GREB1: variants seen among roughly 807,000 people sequenced by gnomAD.
GREB1 encodes protein GREB1.
In GREB1, 106 loss-of-function variants were observed where a neutral mutation model predicts 200.7. The ratio of observed to expected loss-of-function variants is 0.53; its 90% CI spans 0.45 to 0.62. GREB1 has a LOEUF of 0.62. GREB1 is among the 20% of genes least tolerant of loss of function. The pLI, the probability that GREB1 is intolerant of heterozygous loss-of-function variation, is 0.00. For missense variants in GREB1, 2,243 were observed against 2,556.8 expected, an observed-to-expected ratio of 0.88 and a Z score of 2.65; for synonymous variants, 1,132 against 1,092.4, an observed-to-expected ratio of 1.04 and a Z score of -0.72.
At chr2:11,532,951 A>G (rs940739325), upstream of GREB1, among the ~76,000 whole-genome samples, 2 of 152,168 alleles carry the variant, frequency 1.3e-5, no homozygotes, top group Non-Finnish European at 2.9e-5. Flanking sequence ...TATTATCTTC[A>G]TTTTGCCAAG....
chr2:11,494,697 C>T (rs1192784520), intron 1 of GREB1, among the ~76,000 whole-genome samples: 5 of 152,260 alleles, frequency 3.3e-5, no homozygotes, highest in East Asian at 3.9e-4. Context: ...CCTATAGACT[C>T]AGGGTCAAAT....
At chr2:11,554,914 C>G (rs1676287045) in intron 1 of GREB1, among the ~76,000 whole-genome samples, 1 of 152,138 alleles carries the variant, frequency 6.6e-6, no homozygotes. Flanking sequence ...GAAGTCACCC[C>G]CCATTGCTGT....
intron 10 of GREB1, among the ~76,000 whole-genome samples, chr2:11,592,350 A>C (rs1680813960): frequency 6.7e-6 from 1 of 150,350 alleles, no homozygotes; most frequent in Admixed American, 6.6e-5. Flanking sequence ...TTTTTTTAAA[A>C]AGAGGACAGA....
rs148565042 is a variant in GREB1, at chr2:11,626,891, T to C, written c.4307-71T>C. The C allele has an allele frequency of 4.9e-4, 749 of 1,541,888 alleles. 2 individuals carry two copies. The African/African-American group carries it at 9.2e-3, about 19-fold the overall frequency. On this transcript the variant is annotated intron_variant, in intron 24 of 32. Coordinates refer to ENST00000381486, the MANE Select transcript of GREB1 (RefSeq NM_014668.4). ...TGGTCATTTGAGCATTTTTGGTTTC[T>C]GTTTGAGCAGGCAGGGGATAATGTT...
upstream of GREB1, among the ~76,000 whole-genome samples, chr2:11,529,460 G>A (rs769702161): frequency 3.5e-4 from 53 of 152,204 alleles, no homozygotes; most frequent in Non-Finnish European, 5.7e-4. Context: ...GACAAGCATG[G>A]ATGAGGTTGT....
chr2:11,531,976 G>A (rs533446635), upstream of GREB1, among the ~76,000 whole-genome samples: 1 of 152,286 alleles, frequency 6.6e-6, no homozygotes, highest in Non-Finnish European at 1.5e-5. Context: ...TTAAAGATGT[G>A]AATGATACCG....
intron 17 of GREB1, among the ~76,000 whole-genome samples, chr2:11,602,908 T>C (rs1681915172): frequency 6.6e-6 from 1 of 152,244 alleles, no homozygotes; most frequent in Admixed American, 6.5e-5. Context: ...ATGCATATCA[T>C]GTATTGAATG....
chr2:11,540,830 G>T (rs1002606888), intron 1 of GREB1, among the ~76,000 whole-genome samples: 29 of 152,184 alleles, frequency 1.9e-4, no homozygotes, highest in African/African-American at 6.8e-4. Flanking sequence ...GTCATATATT[G>T]GGGGCTGACT....
At chr2:11,594,953 C>A (rs1316405350) in intron 11 of GREB1, among the ~76,000 whole-genome samples, 2 of 150,798 alleles carry the variant, frequency 1.3e-5, no homozygotes, top group African/African-American at 4.9e-5. Context: ...CTCGGCCTCC[C>A]AAAGTGCTGG....
At chr2:11,596,520 A>C (rs1223822065) in intron 13 of GREB1, among the ~76,000 whole-genome samples, 1 of 29,172 alleles carries the variant, frequency 3.4e-5, no homozygotes, top group African/African-American at 1.7e-4. Context: ...GTGGGGGCAC[A>C]GGTGTGCACA....
chr2:11,582,358 C>T (rs1177153707), intron 7 of GREB1, among the ~76,000 whole-genome samples: 1 of 152,204 alleles, frequency 6.6e-6, no homozygotes, highest in Non-Finnish European at 1.5e-5. Context: ...GAATCTGGCT[C>T]CAGCCCACCT....
rs1340913425 is a variant in GREB1 at position 11,505,079 on chromosome 2, A to G, written c.-159+22698A>G. Among the ~76,000 whole-genome samples the G allele has an allele frequency of 2.0e-5, 3 of 152,232 alleles. No homozygotes were observed. In the East Asian group the frequency reaches 5.8e-4, roughly 29 times the overall value. ...CCTAAGTAGTTGGGACTACAGGAGC[A>G]TGCAACCATGCCCAGCTAATTTTTG... On this transcript the variant is annotated intron_variant, in intron 1 of 2. Coordinates refer to the GREB1 transcript ENST00000628795.
At chr2:11,606,758 C>CATTATTATTATTATTATT (rs3035992) in intron 17 of GREB1, among the ~76,000 whole-genome samples, 8 of 143,354 alleles carry the variant, frequency 5.6e-5, no homozygotes, top group African/African-American at 1.3e-4. Context: ...ATTTTAGTTT[C>CATTATTATTATTATTATT]ATTATTATTA....
At chr2:11,490,909 A>G (rs759036820) in intron 1 of GREB1, among the ~76,000 whole-genome samples, 1 of 152,186 alleles carries the variant, frequency 6.6e-6, no homozygotes, top group African/African-American at 2.4e-5. Context: ...GCTAGGTCCT[A>G]TGGGAACTCT....
At chr2:11,613,078 GCTGCTCGGGAAGAGCTGGTT>G (rs1266580786) in intron 19 of GREB1, among the ~76,000 whole-genome samples, 5 of 152,190 alleles carry the variant, frequency 3.3e-5, no homozygotes, top group Non-Finnish European at 7.3e-5. Flanking sequence ...GGCAACTGAC[GCTGCTCGGGAAGAGCTGGTT>G]CTTCCAGCAC....
chr2:11,637,973 A>G (rs1685517505), intron 31 of GREB1, 57 bp downstream of exon 31: 1 of 1,402,910 alleles, frequency 7.1e-7, no homozygotes, highest in Non-Finnish European at 1.0e-6. Context: ...TCTAGAACCA[A>G]TGGGCTGGAA....
intron 7 of GREB1, among the ~76,000 whole-genome samples, chr2:11,582,862 C>T (rs2148091906): frequency 6.6e-6 from 1 of 152,320 alleles, no homozygotes; most frequent in South Asian, 2.1e-4. Flanking sequence ...AGAGTCCTGT[C>T]ACTCACTGGT....
At chr2:11,552,636 G>A (rs1008012392) in intron 1 of GREB1, among the ~76,000 whole-genome samples, 2 of 152,192 alleles carry the variant, frequency 1.3e-5, no homozygotes, top group African/African-American at 4.8e-5. Context: ...TGCAGTCAGG[G>A]TCTGTCTGTA....
chr2:11,493,613 G>A lies in GREB1; in HGVS notation c.-159+11232G>A, dbSNP rs907562750. 4.6e-5 allele frequency among the ~76,000 whole-genome samples: 7 copies of A among 152,132 alleles called. No individual in the cohort carries two copies. Among genetic ancestry groups the A allele is most frequent in the Middle Eastern group, 3.2e-3 (1 of 316 alleles). ...CCGGGGACTGGGGACCCCTGAATTCGCCTATGTAAAATTGGTTTCCTTATA... is the reference window on the plus strand; with the variant it reads ...CCGGGGACTGGGGACCCCTGAATTCACCTATGTAAAATTGGTTTCCTTATA... On this transcript the variant is annotated intron_variant, in intron 1 of 2. Transcript: ENST00000628795. This position sits in a 1 kb window ranked among gnomAD's most constrained non-coding sequence, Gnocchi z 4.6.
Sources: allele counts gnomAD v4.1 joint callset (sites outside exome capture counted in the v4.1 genomes callset), GRCh38; gene constraint gnomAD v4.1.1; non-coding constraint Gnocchi (gnomAD v3.1); transcripts MANE v1.5; gene names NCBI Gene and HGNC (gene_info 2026-07-23, HGNC 2026-07-21).